MAP4: variants seen among roughly 807,000 people sequenced by gnomAD.
The protein encoded by MAP4 is microtubule associated protein 4, also known as microtubule-associated protein 4.
A neutral mutation model predicts 170.2 loss-of-function variants in MAP4; 76 were observed. The observed-to-expected ratio is 0.45, with a 90% confidence interval of 0.37 to 0.54. The LOEUF (loss-of-function observed/expected upper bound fraction) is 0.54, where lower values mean the gene tolerates loss of function less well. Ranked by LOEUF, MAP4 falls within the 20% of genes least tolerant of loss-of-function variation. MAP4 has a pLI of 0.00. For missense variants in MAP4, 2,506 were observed against 2,748.0 expected, an observed-to-expected ratio of 0.91 and a Z score of 1.97; for synonymous variants, 909 against 994.5, an observed-to-expected ratio of 0.91 and a Z score of 1.62.
rs1442933746 is a variant in MAP4, at chr3:47,937,557, T to C, written c.293-9207A>G. On this transcript the variant is annotated intron_variant, in intron 3 of 20. Coordinates refer to ENST00000683076, the MANE Select transcript of MAP4 (RefSeq NM_001385682.1). ...TACTGCAGTGAAATTAATCAGAAAATTATAGGAGAAAGATGTTTCTGATGT... is the reference window on the plus strand; with the variant it reads ...TACTGCAGTGAAATTAATCAGAAAACTATAGGAGAAAGATGTTTCTGATGT... Among the ~76,000 whole-genome samples, 5 of 152,010 alleles carry C rather than the reference T, an allele frequency of 3.3e-5. No homozygotes were observed. The East Asian group carries it at 5.8e-4, about 18-fold the overall frequency.
intron 3 of MAP4, among the ~76,000 whole-genome samples, chr3:47,959,782 T>C (rs560919747): frequency 2.3e-4 from 35 of 151,236 alleles, no homozygotes; most frequent in Non-Finnish European, 4.6e-4. Context: ...AAAATGTATA[T>C]ACATGAAGAA....
At chr3:48,081,292 AAAAT>A (rs932001512) in intron 1 of MAP4, among the ~76,000 whole-genome samples, 113 of 151,992 alleles carry the variant, frequency 7.4e-4, no homozygotes, top group African/African-American at 2.7e-3. Flanking sequence ...CATCTCAAAA[AAAAT>A]AAATAAATAA....
At chr3:47,945,009 T>G (rs2100058870) in intron 3 of MAP4, among the ~76,000 whole-genome samples, 1 of 151,198 alleles carries the variant, frequency 6.6e-6, no homozygotes, top group African/African-American at 2.4e-5. Flanking sequence ...TGGGGTTTGC[T>G]TCCAAAAAAC....
intron 3 of MAP4, among the ~76,000 whole-genome samples, chr3:47,945,722 A>AT (rs1559550410): frequency 6.6e-6 from 1 of 151,632 alleles, no homozygotes; most frequent in Non-Finnish European, 1.5e-5. Flanking sequence ...ATAATTTAAT[A>AT]TTTTTTATTT....
intron 8 of MAP4, among the ~76,000 whole-genome samples, chr3:47,914,242 G>C (rs2100037405): frequency 6.6e-6 from 1 of 152,044 alleles, no homozygotes; most frequent in African/African-American, 2.4e-5. Flanking sequence ...TCAAAATTTG[G>C]GTGTCCTTTC....
chr3:48,045,968 ATTTCTTGCATCACTTCTTTTTTTTTTT>A (rs1304258187), intron 1 of MAP4, among the ~76,000 whole-genome samples: 2 of 149,150 alleles, frequency 1.3e-5, no homozygotes, highest in Non-Finnish European at 3.0e-5. Context: ...TCACTACAAA[ATTTCTTGCATCACTTCTTTTTTTTTTT>A]TTTTTTTTTA....
intron 1 of MAP4, among the ~76,000 whole-genome samples, chr3:48,036,809 A>G (rs1480494283): frequency 6.6e-6 from 1 of 152,250 alleles, no homozygotes; most frequent in African/African-American, 2.4e-5. Flanking sequence ...TAAGCAATGA[A>G]AGCTAATATA....
intron 10 of MAP4, among the ~76,000 whole-genome samples, chr3:47,885,982 C>G (rs1264285515): frequency 6.6e-6 from 1 of 152,184 alleles, no homozygotes; most frequent in African/African-American, 2.4e-5. Context: ...CCCGCCTCGG[C>G]CTCCCAAAGT....
rs753193396 is a variant in MAP4 at position 47,891,994 on chromosome 3, A to C, written c.5434+10956T>G. On this transcript the variant is annotated intron_variant, in intron 10 of 20. Transcript: ENST00000683076. ...ATCTGGTAGGGATGTCAGCAGCCCC[A>C]GGGAAATCCAGATCTGACTGGCTCT... The C allele has an allele frequency of 1.0e-4, 156 of 1,536,372 alleles. 1 individual carries two copies. In the South Asian group the frequency reaches 1.4e-3, roughly 14 times the overall value.
At chr3:48,064,526 A>G (rs1331789494) in intron 1 of MAP4, among the ~76,000 whole-genome samples, 2 of 152,184 alleles carry the variant, frequency 1.3e-5, no homozygotes, top group Non-Finnish European at 2.9e-5. Flanking sequence ...CTGGTCTCCC[A>G]CACAGTCAGT....
intron 10 of MAP4, among the ~76,000 whole-genome samples, chr3:47,900,163 ACACT>A (rs1188015925): frequency 2.0e-5 from 3 of 152,218 alleles, no homozygotes; most frequent in Non-Finnish European, 2.9e-5. Flanking sequence ...ATGATTGATG[ACACT>A]CACTCCTTGT....
At chr3:47,959,718 C>T (rs1416748595) in intron 3 of MAP4, among the ~76,000 whole-genome samples, 3 of 149,070 alleles carry the variant, frequency 2.0e-5, no homozygotes, top group Non-Finnish European at 3.0e-5. Flanking sequence ...AAGATCGCGC[C>T]GCTGCACTCC....
In MAP4 at chr3:47,941,149, G is replaced by T. The variant is rs1200438649; in HGVS notation, c.293-12799C>A. On this transcript the variant is annotated intron_variant, in intron 3 of 20. Transcript: ENST00000683076. ...CCACCTCGGCCTCCCAAAGTCCTGG[G>T]ATTACAGCGCCTGGCCAGAGCCCAG... Among the ~76,000 whole-genome samples, 15 of 140,838 alleles carry T rather than the reference G, an allele frequency of 1.1e-4. 1 individual carries two copies. The East Asian group carries it at 3.3e-3, about 31-fold the overall frequency. 92.4% of individuals were successfully genotyped at this position (140,838 alleles called of 152,430 possible).
In MAP4 at chr3:48,022,030, T is replaced by C. The variant is rs117210504; in HGVS notation, c.-19-23151A>G. Among the ~76,000 whole-genome samples, 4 of 152,292 alleles carry C rather than the reference T, an allele frequency of 2.6e-5. No homozygotes were observed. The East Asian group carries it at 7.7e-4, about 29-fold the overall frequency. On this transcript the variant is annotated intron_variant, in intron 1 of 18. Transcript: ENST00000360240. ...AAGAGGCCAATGCAAAAAAATGGTT[T>C]TGAAACGGAACCACATGCATATGGA... is the stretch of plus-strand genomic sequence containing the variant.
In MAP4 at chr3:47,851,568, A is replaced by C. The variant is rs2042271368; in HGVS notation, c.*1366T>G. 3 of 152,338 alleles carry C rather than the reference A, an allele frequency of 2.0e-5. No individual in the cohort carries two copies. In the South Asian group the frequency reaches 6.2e-4, roughly 32 times the overall value. 9.4% of individuals were successfully genotyped at this position (152,338 alleles called of 1,614,324 possible). On this transcript the variant is annotated 3_prime_UTR_variant, in exon 21 of 21. Coordinates refer to ENST00000683076, the MANE Select transcript of MAP4 (RefSeq NM_001385682.1). Reference sequence around the variant, plus strand: ...CATTTCACTACAAACTTATGTTTGAATCCTTTATTAGAAACCATGCAAACT... The same window carrying C: ...CATTTCACTACAAACTTATGTTTGACTCCTTTATTAGAAACCATGCAAACT...
chr3:48,001,807 C>T (rs1309740299), intron 1 of MAP4, among the ~76,000 whole-genome samples: 1 of 152,098 alleles, frequency 6.6e-6, no homozygotes, highest in South Asian at 2.1e-4. Flanking sequence ...AGCCTGCTTA[C>T]TTTTCTTAAA....
At chr3:47,988,953 G>A (rs914719730) in intron 2 of MAP4, among the ~76,000 whole-genome samples, 4 of 152,114 alleles carry the variant, frequency 2.6e-5, no homozygotes, top group Non-Finnish European at 5.9e-5. Context: ...TGGGATTACT[G>A]GTGAGCACCA....
intron 1 of MAP4, among the ~76,000 whole-genome samples, chr3:48,025,524 G>A (rs895627984): frequency 6.6e-6 from 1 of 151,746 alleles, no homozygotes; most frequent in Non-Finnish European, 1.5e-5. Context: ...CCTGACCTCA[G>A]GTGATCTGCA....
At chr3:48,088,146 A>G (rs1026532945) in intron 1 of MAP4, among the ~76,000 whole-genome samples, 1 of 152,156 alleles carries the variant, frequency 6.6e-6, no homozygotes, top group South Asian at 2.1e-4. Context: ...AATGTTTCCA[A>G]CTGCCTCTCC....
Sources: allele counts gnomAD v4.1 joint callset (sites outside exome capture counted in the v4.1 genomes callset), GRCh38; gene constraint gnomAD v4.1.1; transcripts MANE v1.5; gene names NCBI Gene and HGNC (gene_info 2026-07-23, HGNC 2026-07-21).